SGK1: variants seen among roughly 807,000 people sequenced by gnomAD.
SGK1 encodes serum/glucocorticoid regulated kinase 1.
SGK1 carries 26 observed loss-of-function variants against 64.2 expected under a neutral mutation model. The ratio of observed to expected loss-of-function variants is 0.40; its 90% confidence interval spans 0.30 to 0.56. The LOEUF (loss-of-function observed/expected upper bound fraction) is 0.56, where lower values mean the gene tolerates loss of function less well. Among genes scored for constraint, SGK1 ranks in the 20% least tolerant of loss-of-function variants. SGK1 has a pLI of 0.38. For synonymous variants in SGK1, 265 were observed against 239.7 expected (o/e 1.11, Z -0.98); for missense variants, 519 against 645.6 (o/e 0.80, Z 2.12).
intron 2 of SGK1, chr6:134,249,498 C>T (rs1404815606): frequency 1.3e-5 from 2 of 152,220 alleles, no homozygotes; most frequent in Non-Finnish European, 2.9e-5. Flanking sequence ...TTAGATTTCT[C>T]TTCTGCTGAG....
At chr6:134,206,341 A>T (rs377499363) in intron 3 of SGK1, among the ~76,000 whole-genome samples, 68,512 of 100,222 alleles carry the variant, frequency 0.68, 20,618 homozygotes, top group Non-Finnish European at 0.72. Context: ...ACCTGATGAT[A>T]TATATATATA....
At chr6:134,249,098 C>G (rs1776568146) in intron 2 of SGK1, among the ~76,000 whole-genome samples, 2 of 152,122 alleles carry the variant, frequency 1.3e-5, no homozygotes, top group South Asian at 4.1e-4. Context: ...GAAGAAGAAT[C>G]AAGCGTATTG....
At chr6:134,258,122 A>G (rs561515149) in intron 2 of SGK1, among the ~76,000 whole-genome samples, 62 of 146,998 alleles carry the variant, frequency 4.2e-4, no homozygotes, top group African/African-American at 1.5e-3. Flanking sequence ...TTTTTTTTTG[A>G]GACAGGGTCT....
At chr6:134,190,179 C>T (rs1485935767) in intron 3 of SGK1, among the ~76,000 whole-genome samples, 2 of 152,038 alleles carry the variant, frequency 1.3e-5, no homozygotes, top group South Asian at 2.1e-4. Context: ...CTACAATCTG[C>T]TCCTATATTC....
rs1008453458 is a variant in SGK1 at position 134,271,045 on chromosome 6, G to A, written c.70-8897C>T. Among the ~76,000 whole-genome samples, 4 of 147,036 alleles carry A rather than the reference G, an allele frequency of 2.7e-5. 1 individual carries two copies. The highest frequency in any genetic ancestry group is 9.8e-5 in the African/African-American group (4 of 40,992). ...TAAATTGTGGGACTCTGCCAGGTGC[G>A]GTGGCTCATGCCTGTCGTCCCAGTG... On this transcript the variant is annotated intron_variant, in intron 1 of 13. Transcript: ENST00000367858.
intron 2 of SGK1, among the ~76,000 whole-genome samples, chr6:134,249,757 C>T (rs1005526076): frequency 6.6e-6 from 1 of 152,160 alleles, no homozygotes; most frequent in Non-Finnish European, 1.5e-5. Flanking sequence ...TTCTGGTATC[C>T]GTAACCCTGT....
chr6:134,211,801 G>C (rs1314155433), intron 2 of SGK1, among the ~76,000 whole-genome samples: 1 of 149,956 alleles, frequency 6.7e-6, no homozygotes, highest in African/African-American at 2.5e-5. Context: ...TTGAACCCGG[G>C]AGACTGAGGT....
At chr6:134,249,333 C>T (rs558061097) in intron 2 of SGK1, 3 of 152,258 alleles carry the variant, frequency 2.0e-5, no homozygotes, top group East Asian at 1.9e-4. Context: ...CTTAATAACC[C>T]GAATTCTGTT....
intron 2 of SGK1, among the ~76,000 whole-genome samples, chr6:134,242,093 T>A (rs1776457025): frequency 6.6e-6 from 1 of 152,034 alleles, no homozygotes; most frequent in Non-Finnish European, 1.5e-5. Flanking sequence ...ACAAGTGAGG[T>A]TAAAACTGCA....
intron 3 of SGK1, chr6:134,174,928 A>C (rs1023774624): frequency 6.6e-7 from 1 of 1,518,154 alleles, no homozygotes; most frequent in African/African-American, 1.4e-5. Context: ...CCTGCGCGAC[A>C]GTGAGAAGTG....
chr6:134,300,537 CAAA>C (rs112943044), intron 1 of SGK1, among the ~76,000 whole-genome samples: 35 of 86,272 alleles, frequency 4.1e-4, no homozygotes, highest in East Asian at 6.2e-4. Context: ...GACTCTGTCT[CAAA>C]AAAAAAAAAA....
In SGK1 at chr6:134,245,291, T is replaced by C. The variant is rs923513150; in HGVS notation, c.285+16642A>G. Reference sequence around the variant, plus strand: ...AGTTTAGCTTTCCAGGCAGTGACTATGTCTTAGAATTAAAGATAAAGACAG... The same window carrying C: ...AGTTTAGCTTTCCAGGCAGTGACTACGTCTTAGAATTAAAGATAAAGACAG... On this transcript the variant is annotated intron_variant, in intron 2 of 13. Transcript: ENST00000367858. 7.2e-5 allele frequency among the ~76,000 whole-genome samples: 11 copies of C among 152,346 alleles called. No homozygotes were observed. The South Asian group carries it at 1.0e-3, about 14-fold the overall frequency.
At chr6:134,171,260 G>A (rs1319553958) in intron 11 of SGK1, 82 bp from the exon 12 acceptor site, 7 of 1,299,484 alleles carry the variant, frequency 5.4e-6, no homozygotes, top group Admixed American at 3.7e-5. Context: ...AGATATAAAC[G>A]GCAATAAATA....
chr6:134,247,221 TA>T (rs961467704), intron 2 of SGK1, among the ~76,000 whole-genome samples: 25 of 152,034 alleles, frequency 1.6e-4, no homozygotes, highest in African/African-American at 6.0e-4. Flanking sequence ...AATACTTTGG[TA>T]AAGTTGAGGA....
At chr6:134,298,407 G>A (rs1777395018) in intron 1 of SGK1, 1 of 1,090,282 alleles carries the variant, frequency 9.2e-7, no homozygotes, top group African/African-American at 1.5e-5. Flanking sequence ...TGTTGCTGAG[G>A]GTCTTGATCT....
intron 3 of SGK1, among the ~76,000 whole-genome samples, chr6:134,207,016 G>C (rs900466964): frequency 2.0e-5 from 3 of 152,110 alleles, no homozygotes; most frequent in African/African-American, 7.2e-5. Context: ...ACAAGGTCAG[G>C]AGATCGAGAC....
chr6:134,183,485 A>G (rs192802678), intron 3 of SGK1, among the ~76,000 whole-genome samples: 1 of 152,202 alleles, frequency 6.6e-6, no homozygotes, highest in African/African-American at 2.4e-5. Context: ...TCTAACAAGG[A>G]TGTCATGATG....
At chr6:134,196,140 A>C (rs1299384886) in intron 3 of SGK1, among the ~76,000 whole-genome samples, 2 of 152,216 alleles carry the variant, frequency 1.3e-5, no homozygotes, top group East Asian at 3.8e-4. Flanking sequence ...ATGTATAAGA[A>C]ATGAAAGGAC....
chr6:134,216,721 T>C (rs1173611571), intron 2 of SGK1, among the ~76,000 whole-genome samples: 2 of 152,190 alleles, frequency 1.3e-5, no homozygotes, highest in Admixed American at 6.6e-5. Flanking sequence ...AGAGCTAATG[T>C]TTTGTCAGAG....
Sources: gnomAD v4.1 joint callset for allele counts (sites outside exome capture counted in the v4.1 genomes callset) on GRCh38, gnomAD v4.1.1 for gene constraint, MANE v1.5 for transcripts, NCBI Gene and HGNC (gene_info 2026-07-23, HGNC 2026-07-21) for gene names.